Variants in BICRA observed in about 807,000 individuals in gnomAD.
BICRA encodes the protein BRD4-interacting chromatin-remodeling complex-associated protein.
Under a neutral mutation model 96.9 loss-of-function variants are expected in BICRA, and 31 were observed. That is an observed-to-expected ratio of 0.32 (90% confidence interval 0.24 to 0.43). BICRA has a LOEUF of 0.43. BICRA is among the 20% of genes least tolerant of loss of function. BICRA has a pLI of 1.00. For missense variants in BICRA, 2,283 were observed against 2,190.3 expected (o/e 1.04, Z -0.84); for synonymous variants, 1,350 against 1,071.8 (o/e 1.26, Z -5.07).
At chr19:47,631,377 G>A (rs1472895841) in intron 1 of BICRA, among the ~76,000 whole-genome samples, 2 of 151,918 alleles carry the variant, frequency 1.3e-5, no homozygotes, top group South Asian at 2.1e-4. Context: ...ACAGGCGCAC[G>A]CCACCACACC....
At position 47,673,558 on chromosome 19, in the gene BICRA, C is replaced by T. The variant is rs780792935; in HGVS notation, c.-5-12C>T. On this transcript the variant is annotated splice_polypyrimidine_tract_variant and intron_variant, in intron 2 of 14. Transcript: ENST00000594866. ...GTCTCCCTCGCCCTCTTCCTGACCC[C>T]ACCCCATCCAGTGGCGATGGATGAT... The T allele has an allele frequency of 4.3e-6, 7 of 1,609,926 alleles. No individual in the cohort carries two copies. The highest frequency in any genetic ancestry group is 1.1e-5 in the South Asian group (1 of 91,022).
intron 5 of BICRA, among the ~76,000 whole-genome samples, chr19:47,677,739 G>A (rs759717944): frequency 1.6e-4 from 25 of 152,154 alleles, no homozygotes; most frequent in Non-Finnish European, 3.1e-4. Flanking sequence ...CTCACAGTGC[G>A]GTTGGCACAG....
chr19:47,636,105 C>T (rs1972297141), intron 1 of BICRA, among the ~76,000 whole-genome samples: 1 of 152,136 alleles, frequency 6.6e-6, no homozygotes, highest in Non-Finnish European at 1.5e-5. Flanking sequence ...AGTTCCCATC[C>T]CCAAGACAGC....
At chr19:47,610,818 C>T (rs576584817) in intron 1 of BICRA, among the ~76,000 whole-genome samples, 112 of 152,214 alleles carry the variant, frequency 7.4e-4, no homozygotes, top group African/African-American at 2.6e-3. Flanking sequence ...CAACTCTGAC[C>T]TGCCCTGGGT....
In BICRA at chr19:47,682,194, G is replaced by T. The variant is rs200726677; in HGVS notation, c.2283+42G>T. The T allele has an allele frequency of 7.4e-5, 64 of 860,828 alleles. No homozygotes were observed. In the East Asian group the frequency reaches 1.4e-3, roughly 19 times the overall value. 53.3% of individuals were successfully genotyped at this position (860,828 alleles called of 1,614,324 possible). On this transcript the variant is annotated intron_variant, in intron 7 of 14. Coordinates refer to ENST00000594866, the MANE Select transcript of BICRA (RefSeq NM_001394372.1). ...AGCCTGTGTCCGCAGCACAGACCCA[G>T]CCTCGCCCCTCCTGCCCGCTCTCCC...
At chr19:47,658,949 T>C (rs1241960467) in intron 1 of BICRA, among the ~76,000 whole-genome samples, 1 of 152,218 alleles carries the variant, frequency 6.6e-6, no homozygotes, top group Admixed American at 6.5e-5. Flanking sequence ...ATCATTTCTT[T>C]TGTATTTCCG....
rs1972929826 is a variant in BICRA, at chr19:47,675,700, CTT to C, written c.85-148_85-147del. On this transcript the variant is annotated intron_variant, in intron 4 of 14. Transcript: ENST00000594866. This position sits in a 1 kb window ranked among gnomAD's most constrained non-coding sequence, Gnocchi z 4.7. ...ACCCAAGCCCCTGCCTTTGGGGCCT[CTT>C]TTCGGAGGCGAGAGTTTCCCATACC... The C allele has an allele frequency of 3.3e-5, 22 of 675,066 alleles. No individual in the cohort carries two copies. The East Asian group carries it at 5.8e-4, about 18-fold the overall frequency. 41.8% of individuals were successfully genotyped at this position (675,066 alleles called of 1,614,324 possible). A position where few individuals can be genotyped will look rare whatever the true frequency, so the allele number is the denominator to read the frequency against.
chr19:47,692,790 G>C (rs188171980), intron 7 of BICRA, among the ~76,000 whole-genome samples: 37 of 152,364 alleles, frequency 2.4e-4, no homozygotes, highest in Non-Finnish European at 4.1e-4. Context: ...CTGGGACTTA[G>C]AGGCCAAAGC....
intron 1 of BICRA, among the ~76,000 whole-genome samples, chr19:47,610,216 G>C (rs1341600093): frequency 3.3e-5 from 5 of 152,198 alleles, no homozygotes; most frequent in Admixed American, 2.6e-4. Context: ...AGGGAGGAGG[G>C]ATGGAGCCAT....
chr19:47,684,681 A>G (rs1973118495), intron 7 of BICRA, among the ~76,000 whole-genome samples: 1 of 152,210 alleles, frequency 6.6e-6, no homozygotes, highest in African/African-American at 2.4e-5. Context: ...CTCATTTTGC[A>G]GGTGAGGAAA....
In BICRA at chr19:47,673,472, A is replaced by T. The variant is rs1599841643; in HGVS notation, c.-5-98A>T. 3 of 887,480 alleles carry T rather than the reference A, an allele frequency of 3.4e-6. No homozygotes were observed. In the Admixed American group the frequency reaches 5.4e-5, roughly 16 times the overall value. 55.0% of individuals were successfully genotyped at this position (887,480 alleles called of 1,614,324 possible). A position where few individuals can be genotyped will look rare whatever the true frequency, so the allele number is the denominator to read the frequency against. ...TGGACTCAAGGGAACAGAAACTCTG[A>T]CCCCCTCCAGGGGGCTCCCCTGAAG... is the stretch of plus-strand genomic sequence containing the variant. On this transcript the variant is annotated intron_variant, in intron 2 of 14. Transcript: ENST00000594866.
At chr19:47,619,606 C>A (rs144824318) in intron 1 of BICRA, among the ~76,000 whole-genome samples, 1 of 150,326 alleles carries the variant, frequency 6.7e-6, no homozygotes, top group East Asian at 2.0e-4. Context: ...CAGTAAAATC[C>A]GCAGAGGGGC....
In BICRA at chr19:47,687,848, A is replaced by G. The variant is rs1012917147; in HGVS notation, c.2283+5696A>G. ...AAAAAAAAAAAAAAAACTTGCACCC[A>G]TGCTTTGCACACAGGTATGAAAGTA... On this transcript the variant is annotated intron_variant, in intron 7 of 14. Coordinates refer to ENST00000594866, the MANE Select transcript of BICRA (RefSeq NM_001394372.1). Among the ~76,000 whole-genome samples, 31 of 149,752 alleles carry G rather than the reference A, an allele frequency of 2.1e-4. 1 individual carries two copies. The highest frequency in any genetic ancestry group is 2.5e-5 in the African/African-American group (1 of 40,786).
rs10405245 is a variant in BICRA at position 47,660,167 on chromosome 19, C to G, written c.-107-10276C>G. On this transcript the variant is annotated intron_variant, in intron 1 of 14. Transcript: ENST00000594866. ...CCACTGGGGTTGTCAGAGCTGTGCTCCCTCAGGAGGCTCTAGGGAAGAGCC... is the reference window on the plus strand; with the variant it reads ...CCACTGGGGTTGTCAGAGCTGTGCTGCCTCAGGAGGCTCTAGGGAAGAGCC... 3.8e-3 allele frequency among the ~76,000 whole-genome samples: 581 copies of G among 151,984 alleles called. 1 individual carries two copies. The highest frequency in any genetic ancestry group is 0.013 in the African/African-American group (556 of 41,464).
intron 1 of BICRA, among the ~76,000 whole-genome samples, chr19:47,617,520 C>T (rs898231153): frequency 2.0e-5 from 3 of 151,958 alleles, no homozygotes; most frequent in Non-Finnish European, 4.4e-5. Context: ...CCTGCCACCA[C>T]ACACGGCTAA....
At chr19:47,632,052 C>G (rs1251643213) in intron 1 of BICRA, among the ~76,000 whole-genome samples, 1 of 152,192 alleles carries the variant, frequency 6.6e-6, no homozygotes, top group African/African-American at 2.4e-5. Context: ...CATTCTCTGT[C>G]TTTGACTAGG....
chr19:47,683,969 A>T (rs777952700), intron 7 of BICRA, among the ~76,000 whole-genome samples: 37 of 152,268 alleles, frequency 2.4e-4, no homozygotes, highest in Non-Finnish European at 4.7e-4. Flanking sequence ...TGACAGTGAC[A>T]AGGGCAGGAT....
chr19:47,690,661 G>A (rs1973227701), intron 7 of BICRA, among the ~76,000 whole-genome samples: 1 of 151,806 alleles, frequency 6.6e-6, no homozygotes, highest in Non-Finnish European at 1.5e-5. Context: ...CATATCCTTT[G>A]CCCCTTTTTC....
In BICRA at chr19:47,702,320, G is replaced by T; in HGVS notation, c.4588G>T (p.Gly1530Cys). 6.4e-7 allele frequency: 1 copy of T among 1,560,906 alleles called. No homozygotes were observed. The highest frequency in any genetic ancestry group is 1.4e-5 in the African/African-American group (1 of 72,188). The change falls in exon 15 of 15, where the codon GGC (glycine) becomes TGC (cysteine). Residue 1530 changes from glycine (G) to cysteine (C), a missense_variant. Transcript: ENST00000594866. ...APSYPHAASA[G>C]TPASPPPLHR... ...CTCGTACCCCCACGCTGCCTCGGCC[G>T]GCACCCCCGCATCCCCGCCGCCCCT...
Sources: gnomAD v4.1 joint callset for allele counts (sites outside exome capture counted in the v4.1 genomes callset) on GRCh38, gnomAD v4.1.1 for gene constraint, Gnocchi (gnomAD v3.1) non-coding constraint, MANE v1.5 for transcripts, NCBI Gene and HGNC (gene_info 2026-07-23, HGNC 2026-07-21) for gene names.